Variants in ADGRL3 observed in about 807,000 individuals in gnomAD.
ADGRL3 encodes adhesion G protein-coupled receptor L3.
ADGRL3 carries 62 observed loss-of-function variants against 153.5 expected under a neutral mutation model. That is an observed-to-expected ratio of 0.40 (90% CI 0.33 to 0.50). The LOEUF (loss-of-function observed/expected upper bound fraction) is 0.50. Among genes scored for constraint, ADGRL3 ranks in the 20% least tolerant of loss-of-function variants. The probability of loss-of-function intolerance (pLI) is 0.47; values close to 1 mark genes in which losing one functional copy is unlikely to be tolerated. For synonymous variants in ADGRL3, 710 were observed against 672.5 expected (o/e 1.06, Z -0.86); for missense variants, 1,641 against 1,859.4 (o/e 0.88, Z 2.16).
intron 2 of ADGRL3, among the ~76,000 whole-genome samples, chr4:61,388,012 A>T (rs1372899238): frequency 1.3e-5 from 2 of 152,176 alleles, no homozygotes; most frequent in Admixed American, 6.5e-5. Context: ...TTCTTCTGCC[A>T]TGGTTTCAGC....
intron 8 of ADGRL3, among the ~76,000 whole-genome samples, chr4:61,744,965 G>GA (rs1343408184): frequency 1.3e-5 from 2 of 152,016 alleles, no homozygotes; most frequent in Admixed American, 6.6e-5. Context: ...TGAAAACTTT[G>GA]AAAAAAATTT....
chr4:61,831,052 C>A (rs1169569778), intron 9 of ADGRL3, among the ~76,000 whole-genome samples: 1 of 151,936 alleles, frequency 6.6e-6, no homozygotes, highest in Non-Finnish European at 1.5e-5. Flanking sequence ...CCACACCCGG[C>A]TAATTTTTGT....
At chr4:62,014,724 G>A (rs540593373) in intron 21 of ADGRL3, among the ~76,000 whole-genome samples, 9 of 152,192 alleles carry the variant, frequency 5.9e-5, no homozygotes, top group East Asian at 5.8e-4. Context: ...ACCACTGTTC[G>A]TAAAAGGAGT....
chr4:61,420,165 A>G (rs2097187453), intron 2 of ADGRL3: 1 of 152,152 alleles, frequency 6.6e-6, no homozygotes, highest in Non-Finnish European at 1.5e-5. Context: ...TGACAACATA[A>G]TAAAACATTT....
At chr4:61,440,137 C>A (rs2097509664) in intron 2 of ADGRL3, among the ~76,000 whole-genome samples, 2 of 152,120 alleles carry the variant, frequency 1.3e-5, no homozygotes, top group Non-Finnish European at 2.9e-5. Flanking sequence ...CAACCTCCAC[C>A]TCCCAGGTTC....
intron 8 of ADGRL3, among the ~76,000 whole-genome samples, chr4:61,780,573 CA>C (rs2097202707): frequency 6.6e-6 from 1 of 152,194 alleles, no homozygotes; most frequent in Non-Finnish European, 1.5e-5. Context: ...GGTAGAACTT[CA>C]ATTTTTCATG....
At chr4:61,496,558 C>A (rs542397388) in intron 2 of ADGRL3, among the ~76,000 whole-genome samples, 2 of 151,974 alleles carry the variant, frequency 1.3e-5, no homozygotes, top group African/African-American at 4.8e-5. Context: ...AGGAGAATCG[C>A]GTGAACCCGG....
At chr4:61,816,853 C>A (rs2097694079) in intron 9 of ADGRL3, among the ~76,000 whole-genome samples, 1 of 152,182 alleles carries the variant, frequency 6.6e-6, no homozygotes, top group African/African-American at 2.4e-5. Context: ...CTGGACCCAG[C>A]CATCCCTGAG....
At chr4:61,816,983 C>A (rs1025109400) in intron 9 of ADGRL3, among the ~76,000 whole-genome samples, 3 of 152,146 alleles carry the variant, frequency 2.0e-5, no homozygotes, top group Non-Finnish European at 4.4e-5. Flanking sequence ...TGAAGCCAAG[C>A]GTGGGCATTG....
At chr4:61,594,862 A>C (rs924422660) in intron 5 of ADGRL3, among the ~76,000 whole-genome samples, 3 of 152,144 alleles carry the variant, frequency 2.0e-5, no homozygotes, top group African/African-American at 4.8e-5. Context: ...ATTCTTCTGC[A>C]GCTAAGCTGG....
intron 7 of ADGRL3, 74 bp from the exon 8 acceptor site, chr4:61,732,680 G>T: frequency 1.3e-6 from 1 of 768,592 alleles, no homozygotes; most frequent in Non-Finnish European, 1.9e-6. Flanking sequence ...CATTCCATTT[G>T]GTGAAAAATA....
intron 6 of ADGRL3, among the ~76,000 whole-genome samples, chr4:61,691,573 A>T (rs2095540290): frequency 6.6e-6 from 1 of 152,184 alleles, no homozygotes; most frequent in Non-Finnish European, 1.5e-5. Flanking sequence ...CTATTTGAAT[A>T]AGTAATGCAT....
At chr4:61,571,684 T>C (rs1360902944) in intron 4 of ADGRL3, among the ~76,000 whole-genome samples, 1 of 152,174 alleles carries the variant, frequency 6.6e-6, no homozygotes, top group Non-Finnish European at 1.5e-5. Context: ...TTCTCATATA[T>C]TCACTTGAAA....
At chr4:61,758,686 G>A (rs1376421597) in intron 8 of ADGRL3, among the ~76,000 whole-genome samples, 1 of 152,116 alleles carries the variant, frequency 6.6e-6, no homozygotes, top group East Asian at 1.9e-4. Flanking sequence ...TACATTTAAG[G>A]TTAATATTGT....
chr4:61,970,066 C>T (rs2099021355), intron 17 of ADGRL3, among the ~76,000 whole-genome samples: 1 of 152,140 alleles, frequency 6.6e-6, no homozygotes, highest in African/African-American at 2.4e-5. Flanking sequence ...ATCTCTACTG[C>T]ATACTAGTAG....
chr4:61,748,801 C>A (rs1456755568), intron 8 of ADGRL3, among the ~76,000 whole-genome samples: 1 of 151,852 alleles, frequency 6.6e-6, no homozygotes, highest in East Asian at 1.9e-4. Flanking sequence ...TAGGCATGGG[C>A]AAGGACTTCA....
At chr4:61,846,674 A>C (rs1462420507) in intron 9 of ADGRL3, among the ~76,000 whole-genome samples, 1 of 152,082 alleles carries the variant, frequency 6.6e-6, no homozygotes, top group Non-Finnish European at 1.5e-5. Context: ...GTAATTTATA[A>C]AGAAAAGAGG....
intron 8 of ADGRL3, among the ~76,000 whole-genome samples, chr4:61,753,471 A>G (rs573887477): frequency 1.8e-4 from 28 of 152,272 alleles, no homozygotes; most frequent in African/African-American, 6.3e-4. Context: ...TTCCAGTCTC[A>G]ATGTCCAGGG....
intron 8 of ADGRL3, among the ~76,000 whole-genome samples, chr4:61,778,536 A>G (rs1242343697): frequency 6.6e-5 from 10 of 152,260 alleles, no homozygotes; most frequent in Admixed American, 6.5e-4. Flanking sequence ...AGCTTTCACA[A>G]TAAAACAGGT....
Sources: allele counts gnomAD v4.1 joint callset (sites outside exome capture counted in the v4.1 genomes callset), GRCh38; gene constraint gnomAD v4.1.1; transcripts MANE v1.5; gene names NCBI Gene and HGNC (gene_info 2026-07-23, HGNC 2026-07-21).